Variants in CERT1 observed in about 807,000 individuals in gnomAD.
CERT1 encodes the protein ceramide transfer protein.
A neutral mutation model predicts 87.9 loss-of-function variants in CERT1; 31 were observed. The observed-to-expected ratio is 0.35, with a 90% CI of 0.27 to 0.48. The LOEUF (loss-of-function observed/expected upper bound fraction) is 0.48. CERT1 is among the 20% of genes least tolerant of loss of function. The pLI is 0.99. For missense variants in CERT1, 487 were observed against 758.0 expected, an observed-to-expected ratio of 0.64 and a Z score of 4.20; for synonymous variants, 289 against 250.9, an observed-to-expected ratio of 1.15 and a Z score of -1.44.
At chr5:75,437,968 C>T (rs1764165451) in intron 3 of CERT1, among the ~76,000 whole-genome samples, 1 of 151,972 alleles carries the variant, frequency 6.6e-6, no homozygotes, top group South Asian at 2.1e-4. Flanking sequence ...CTGGTAATGT[C>T]TACAATTGTG....
intron 3 of CERT1, among the ~76,000 whole-genome samples, chr5:75,440,940 G>T (rs1013493951): frequency 2.0e-5 from 3 of 151,964 alleles, no homozygotes; most frequent in African/African-American, 7.3e-5. Context: ...TTTCTCTTAG[G>T]ATCAAGTCCA....
chr5:75,487,868 G>C (rs1385063390), intron 2 of CERT1, among the ~76,000 whole-genome samples: 1 of 152,002 alleles, frequency 6.6e-6, no homozygotes, highest in Non-Finnish European at 1.5e-5. Flanking sequence ...GACTACTATT[G>C]AGCCATTAAA....
intron 7 of CERT1, 120 bp from the exon 8 acceptor site, chr5:75,411,223 C>T: frequency 3.3e-6 from 2 of 607,452 alleles, no homozygotes; most frequent in Non-Finnish European, 5.7e-6. Flanking sequence ...AAAAAAATTC[C>T]ACTCCTGTGA....
chr5:75,411,547 C>T (rs1762936007), intron 7 of CERT1, among the ~76,000 whole-genome samples: 1 of 152,070 alleles, frequency 6.6e-6, no homozygotes, highest in South Asian at 2.1e-4. Flanking sequence ...CTCCTCACCT[C>T]GTGATCCACC....
intron 3 of CERT1, among the ~76,000 whole-genome samples, chr5:75,452,447 C>A (rs1213735051): frequency 2.6e-5 from 4 of 152,128 alleles, no homozygotes; most frequent in African/African-American, 9.7e-5. Flanking sequence ...ATTTTTAAAT[C>A]TCTTAGCGTC....
chr5:75,508,432 G>A (rs964874301), intron 1 of CERT1, among the ~76,000 whole-genome samples: 4 of 152,186 alleles, frequency 2.6e-5, no homozygotes, highest in African/African-American at 9.7e-5. Flanking sequence ...CAGCAATTAT[G>A]TATCCATAAC....
chr5:75,448,227 C>T (rs1236821040), intron 3 of CERT1, among the ~76,000 whole-genome samples: 2 of 152,050 alleles, frequency 1.3e-5, no homozygotes, highest in Non-Finnish European at 2.9e-5. Context: ...TCCTTCTATC[C>T]CTCTATATAT....
chr5:75,445,058 A>T (rs1764481871), intron 3 of CERT1, among the ~76,000 whole-genome samples: 1 of 152,190 alleles, frequency 6.6e-6, no homozygotes, highest in African/African-American at 2.4e-5. Flanking sequence ...TGTTGATGTC[A>T]CAAAATTACA....
chr5:75,378,641 A>G lies in CERT1; in HGVS notation c.*705T>C, dbSNP rs1431626608. 2 of 152,252 alleles carry G rather than the reference A, an allele frequency of 1.3e-5. No homozygotes were observed. Among genetic ancestry groups the G allele is most frequent in the Non-Finnish European group, 2.9e-5 (2 of 68,050 alleles). 9.4% of individuals were successfully genotyped at this position (152,252 alleles called of 1,614,324 possible). On this transcript the variant is annotated 3_prime_UTR_variant, in exon 17 of 17. Transcript: ENST00000643780. ...CAAGATACATTGTTAAGTGAAAAAAAGGTTATAAAACAAGAATTTTGTATA... is the reference window on the plus strand; with the variant it reads ...CAAGATACATTGTTAAGTGAAAAAAGGGTTATAAAACAAGAATTTTGTATA...
chr5:75,419,437 T>C lies in CERT1; in HGVS notation c.596-13A>G, dbSNP rs778368886. ...TCATCTTCTACCACTAAATAAAATATATTTAAGGAAATTAGGATGAAAAGA... is the reference window on the plus strand; with the variant it reads ...TCATCTTCTACCACTAAATAAAATACATTTAAGGAAATTAGGATGAAAAGA... On this transcript the variant is annotated splice_polypyrimidine_tract_variant and intron_variant, in intron 5 of 16. Transcript: ENST00000643780. 7 of 1,546,430 alleles carry C rather than the reference T, an allele frequency of 4.5e-6. No individual in the cohort carries two copies. Among genetic ancestry groups the C allele is most frequent in the African/African-American group, 4.1e-5 (3 of 73,210 alleles).
chr5:75,437,112 T>A (rs79058517), intron 3 of CERT1, among the ~76,000 whole-genome samples: 12,375 of 152,204 alleles, frequency 0.081, 585 homozygotes, highest in South Asian at 0.12. Context: ...TCCAAATGAA[T>A]CCACCCTATT....
At chr5:75,399,772 G>A (rs1359682872) in intron 10 of CERT1, among the ~76,000 whole-genome samples, 2 of 152,080 alleles carry the variant, frequency 1.3e-5, no homozygotes, top group East Asian at 1.9e-4. Context: ...GGATGTATAT[G>A]GAATACAATA....
intron 12 of CERT1, among the ~76,000 whole-genome samples, chr5:75,387,611 G>T (rs1329100672): frequency 6.6e-6 from 1 of 151,766 alleles, no homozygotes; most frequent in Non-Finnish European, 1.5e-5. Flanking sequence ...GCGTAGTGGC[G>T]GGTGCCTGTA....
intron 2 of CERT1, among the ~76,000 whole-genome samples, chr5:75,488,750 A>C (rs2112418752): frequency 6.6e-6 from 1 of 152,230 alleles, no homozygotes; most frequent in South Asian, 2.1e-4. Flanking sequence ...CTTTTCCTTG[A>C]AGAATTTTAT....
intron 11 of CERT1, among the ~76,000 whole-genome samples, chr5:75,389,993 T>C (rs771969362): frequency 3.3e-5 from 5 of 152,190 alleles, no homozygotes; most frequent in Admixed American, 6.5e-5. Context: ...TTCCATTCTA[T>C]ATCATAAAAC....
chr5:75,425,258 G>T (rs1315041647), intron 5 of CERT1, 103 bp downstream of exon 5: 2 of 1,140,892 alleles, frequency 1.8e-6, no homozygotes, highest in African/African-American at 1.6e-5. Context: ...AGCAAAAAAT[G>T]ACTATAAACA....
At chr5:75,399,411 A>T (rs1762380349) in intron 10 of CERT1, 24 bp from the exon 11 acceptor site, 2 of 1,572,498 alleles carry the variant, frequency 1.3e-6, no homozygotes, top group Non-Finnish European at 1.8e-6. Flanking sequence ...ACAAAGAAAA[A>T]ACCAAGTAAT....
rs181421747 is a variant in CERT1 at position 75,412,417 on chromosome 5, G to C, written c.838-1314C>G. On this transcript the variant is annotated intron_variant, in intron 7 of 16. Transcript: ENST00000643780. ...AAAAAAACACTACTCTGAAGAGCGT[G>C]ATCATCAAAAATCATAAGAGAACAG... is the stretch of plus-strand genomic sequence containing the variant. 8.5e-5 allele frequency among the ~76,000 whole-genome samples: 13 copies of C among 152,242 alleles called. No homozygotes were observed. The East Asian group carries it at 2.5e-3, about 29-fold the overall frequency.
chr5:75,411,858 T>A (rs1024631464), intron 7 of CERT1, among the ~76,000 whole-genome samples: 3 of 152,178 alleles, frequency 2.0e-5, no homozygotes, highest in African/African-American at 4.8e-5. Flanking sequence ...GTAGGTGGGA[T>A]CAATGAATGC....
Sources: allele counts gnomAD v4.1 joint callset (sites outside exome capture counted in the v4.1 genomes callset), GRCh38; gene constraint gnomAD v4.1.1; transcripts MANE v1.5; gene names NCBI Gene and HGNC (gene_info 2026-07-23, HGNC 2026-07-21).